The following ZMAT4 variants were observed in gnomAD, a reference collection of about 807,000 sequenced individuals.
ZMAT4 encodes the protein zinc finger matrin-type 4.
In ZMAT4, 17 loss-of-function variants were observed where a neutral mutation model predicts 28.7. The observed-to-expected ratio is 0.59, with a 90% CI of 0.41 to 0.89. The LOEUF is 0.89. Among genes scored for constraint, ZMAT4 ranks in the 40% least tolerant of loss-of-function variants. The probability of loss-of-function intolerance (pLI) is 0.00; values close to 1 mark genes in which losing one functional copy is unlikely to be tolerated. For missense variants in ZMAT4, 240 were observed against 283.8 expected, an observed-to-expected ratio of 0.85 and a Z score of 1.11; for synonymous variants, 117 against 109.2, an observed-to-expected ratio of 1.07 and a Z score of -0.44.
At chr8:40,889,018 T>C (rs1298665149) in intron 1 of ZMAT4, among the ~76,000 whole-genome samples, 2 of 152,184 alleles carry the variant, frequency 1.3e-5, no homozygotes, top group African/African-American at 2.4e-5. Flanking sequence ...AGTTTCTTGT[T>C]TTCATACCTA....
chr8:40,667,642 C>T (rs1015346667), intron 5 of ZMAT4, among the ~76,000 whole-genome samples: 1 of 152,010 alleles, frequency 6.6e-6, no homozygotes, highest in Non-Finnish European at 1.5e-5. Context: ...TAATGCAATG[C>T]TGGAAACCTT....
intron 4 of ZMAT4, among the ~76,000 whole-genome samples, chr8:40,679,670 G>A (rs1809069425): frequency 6.6e-6 from 1 of 152,140 alleles, no homozygotes; most frequent in South Asian, 2.1e-4. Flanking sequence ...CACGACAAAT[G>A]GAGATTATGA....
At chr8:40,647,152 C>T (rs953375203) in intron 5 of ZMAT4, among the ~76,000 whole-genome samples, 1 of 152,196 alleles carries the variant, frequency 6.6e-6, no homozygotes, top group Non-Finnish European at 1.5e-5. Flanking sequence ...TCTGCATTTC[C>T]ATCCGAGGTA....
chr8:40,850,907 C>G (rs750363209), intron 1 of ZMAT4, among the ~76,000 whole-genome samples: 2 of 152,066 alleles, frequency 1.3e-5, no homozygotes, highest in Non-Finnish European at 2.9e-5. Context: ...TGTCTATGTG[C>G]GGCATATCTA....
At chr8:40,824,743 GAA>G (rs1443993235) in intron 2 of ZMAT4, among the ~76,000 whole-genome samples, 1,805 of 138,032 alleles carry the variant, frequency 0.013, 18 homozygotes, top group Non-Finnish European at 0.02. Flanking sequence ...AAGAAAGAAA[GAA>G]AAGAAAAAAA....
chr8:40,768,189 C>T (rs1361017643), intron 2 of ZMAT4, among the ~76,000 whole-genome samples: 1 of 152,128 alleles, frequency 6.6e-6, no homozygotes, highest in Non-Finnish European at 1.5e-5. Flanking sequence ...CTCTCCCACA[C>T]ACAGACTTCA....
chr8:40,722,790 G>A (rs1025296071), intron 3 of ZMAT4, among the ~76,000 whole-genome samples: 1 of 152,158 alleles, frequency 6.6e-6, no homozygotes, highest in East Asian at 1.9e-4. Flanking sequence ...ACTCTACCGG[G>A]AGAAGGAGAC....
intron 2 of ZMAT4, among the ~76,000 whole-genome samples, chr8:40,779,594 A>T (rs536130184): frequency 5.9e-5 from 9 of 152,198 alleles, no homozygotes; most frequent in Non-Finnish European, 1.3e-4. Flanking sequence ...ATTCAGAATC[A>T]CAGGGAGTTT....
chr8:40,853,679 T>C (rs1817196145), intron 1 of ZMAT4, among the ~76,000 whole-genome samples: 1 of 152,242 alleles, frequency 6.6e-6, no homozygotes, highest in Non-Finnish European at 1.5e-5. Flanking sequence ...GTTGCACTGA[T>C]TTTCAGTGAT....
intron 5 of ZMAT4, among the ~76,000 whole-genome samples, chr8:40,629,368 A>AT (rs35397283): frequency 6.7e-6 from 1 of 148,446 alleles, no homozygotes; most frequent in African/African-American, 2.5e-5. Flanking sequence ...TTATTGGGAA[A>AT]TTTTTTTTTG....
chr8:40,666,488 A>G (rs975638372), intron 5 of ZMAT4, among the ~76,000 whole-genome samples: 2 of 152,156 alleles, frequency 1.3e-5, no homozygotes, highest in Admixed American at 1.3e-4. Flanking sequence ...AAGCAAAGGC[A>G]AGAATAACAC....
At chr8:40,690,388 T>C (rs1809609567) in intron 4 of ZMAT4, among the ~76,000 whole-genome samples, 1 of 152,190 alleles carries the variant, frequency 6.6e-6, no homozygotes, top group South Asian at 2.1e-4. Context: ...AATCTATTAC[T>C]TACATTTATG....
At chr8:40,568,001 G>A (rs1247168819) in intron 6 of ZMAT4, among the ~76,000 whole-genome samples, 1 of 152,110 alleles carries the variant, frequency 6.6e-6, no homozygotes, top group Non-Finnish European at 1.5e-5. Context: ...ATGCAAATGG[G>A]AAGAAAAATA....
chr8:40,717,753 ATAAACT>A (rs1810920037), intron 3 of ZMAT4, among the ~76,000 whole-genome samples: 1 of 152,216 alleles, frequency 6.6e-6, no homozygotes, highest in African/African-American at 2.4e-5. Flanking sequence ...GAAAAAATAC[ATAAACT>A]TAAAACTTCA....
chr8:40,720,901 T>C (rs1458622744), intron 3 of ZMAT4, among the ~76,000 whole-genome samples: 3 of 152,072 alleles, frequency 2.0e-5, no homozygotes, highest in Non-Finnish European at 4.4e-5. Context: ...GGGGGGGAAA[T>C]AGAGGCTCAG....
At position 40,705,976 on chromosome 8, in the gene ZMAT4, A is replaced by C. The variant is rs1266279852; in HGVS notation, c.193-8575T>G. Among the ~76,000 whole-genome samples the C allele has an allele frequency of 2.0e-5, 3 of 152,208 alleles. No individual in the cohort carries two copies. The East Asian group carries it at 5.8e-4, about 29-fold the overall frequency. ...ACTATCTGCATTTCAAGTGTTCAAT[A>C]GCACTTTTGAGTGAGTGGCTACTGC... On this transcript the variant is annotated intron_variant, in intron 3 of 6. Coordinates refer to ENST00000297737, the MANE Select transcript of ZMAT4 (RefSeq NM_024645.3).
Position 40,820,383 on chromosome 8 carries a change from T to C in ZMAT4, c.102+5192A>G, listed in dbSNP as rs967444857. ...GTGTGTGTCTACGTGTGTGGGTGTG[T>C]AGAGGTGTTTGTGTGTATGTGTGTG... On this transcript the variant is annotated intron_variant, in intron 2 of 6. Coordinates refer to ENST00000297737, the MANE Select transcript of ZMAT4 (RefSeq NM_024645.3). Among the ~76,000 whole-genome samples the C allele has an allele frequency of 2.9e-5, 4 of 139,242 alleles. No individual in the cohort carries two copies. In the Admixed American group the frequency reaches 2.9e-4, roughly 10 times the overall value. 91.3% of individuals were successfully genotyped at this position (139,242 alleles called of 152,430 possible).
chr8:40,666,770 G>C (rs1808432527), intron 5 of ZMAT4, among the ~76,000 whole-genome samples: 1 of 152,110 alleles, frequency 6.6e-6, no homozygotes, highest in South Asian at 2.1e-4. Flanking sequence ...ACACAAGTTT[G>C]AACCGCATGG....
At chr8:40,857,002 T>C (rs1315680830) in intron 1 of ZMAT4, among the ~76,000 whole-genome samples, 1 of 152,122 alleles carries the variant, frequency 6.6e-6, no homozygotes, top group Non-Finnish European at 1.5e-5. Flanking sequence ...TAATTAAAGG[T>C]TTGAAAATCC....
Sources: gnomAD v4.1 joint callset for allele counts (sites outside exome capture counted in the v4.1 genomes callset) on GRCh38, gnomAD v4.1.1 for gene constraint, MANE v1.5 for transcripts, NCBI Gene and HGNC (gene_info 2026-07-23, HGNC 2026-07-21) for gene names.